The following DPP8 variants were observed in gnomAD, a reference collection of about 807,000 sequenced individuals.
The protein encoded by DPP8 is DPP VIII.
DPP8 carries 31 observed loss-of-function variants against 107.5 expected under a neutral mutation model. The observed-to-expected ratio is 0.29, with a 90% CI of 0.22 to 0.39. The LOEUF is 0.39. Ranked by LOEUF, DPP8 falls within the 10% of genes least tolerant of loss-of-function variation. DPP8 has a pLI of 1.00. For synonymous variants in DPP8, 381 were observed against 356.6 expected (o/e 1.07, Z -0.77); for missense variants, 842 against 1,076.1 (o/e 0.78, Z 3.04).
chr15:65,500,011 TCAGAC>T (rs2069035598), intron 4 of DPP8, among the ~76,000 whole-genome samples: 1 of 152,178 alleles, frequency 6.6e-6, no homozygotes, highest in Non-Finnish European at 1.5e-5. Flanking sequence ...TCCTCCCACC[TCAGAC>T]TCCTGAGTAT....
chr15:65,503,778 A>G (rs927002166), intron 3 of DPP8, among the ~76,000 whole-genome samples: 5 of 151,928 alleles, frequency 3.3e-5, no homozygotes, highest in African/African-American at 1.2e-4. Context: ...ACCTGCCATC[A>G]TGCCTGGCTT....
intron 11 of DPP8, among the ~76,000 whole-genome samples, chr15:65,477,723 G>C (rs1278213087): frequency 6.6e-6 from 1 of 151,766 alleles, no homozygotes; most frequent in Non-Finnish European, 1.5e-5. Context: ...TAGTAGAGAG[G>C]GGGTTTCACT....
chr15:65,498,097 C>T, intron 4 of DPP8, 65 bp from the exon 5 acceptor site: 2 of 1,195,354 alleles, frequency 1.7e-6, no homozygotes, highest in Non-Finnish European at 2.3e-6. Flanking sequence ...CAGCACCCTT[C>T]CTATAAGATG....
At chr15:65,513,156 G>A (rs1009792360) in intron 1 of DPP8, among the ~76,000 whole-genome samples, 2 of 152,124 alleles carry the variant, frequency 1.3e-5, no homozygotes, top group African/African-American at 2.4e-5. Flanking sequence ...ACTGGCTGAT[G>A]CATTTCTGAG....
intron 3 of DPP8, chr15:65,502,842 AAAAAG>A (rs931317726): frequency 4.4e-4 from 66 of 151,624 alleles, no homozygotes; most frequent in African/African-American, 1.5e-3. Context: ...ATTAAAATAA[AAAAAG>A]AAAACAAAAA....
In DPP8 at chr15:65,500,472, T is replaced by A. The variant is rs1803999907; in HGVS notation, c.546+134A>T. On this transcript the variant is annotated intron_variant, in intron 4 of 19. Transcript: ENST00000300141. The stretch of plus-strand genomic sequence containing the variant: ...GGAAACCAATCTCCATGTTTCTTGT[T>A]TTCATTGCTATTAAATTTCTTTGTT... The A allele has an allele frequency of 4.3e-6, 3 of 692,900 alleles. No individual in the cohort carries two copies. The Admixed American group carries it at 7.5e-5, about 17-fold the overall frequency. The allele number at this position is 692,900 out of a possible 1,614,324, so 42.9% of individuals were successfully genotyped here.
chr15:65,484,655 CAAAAA>C lies in DPP8; in HGVS notation c.1017+439_1017+443del, dbSNP rs1161936925. Among the ~76,000 whole-genome samples, 18 of 98,330 alleles carry C rather than the reference CAAAAA, an allele frequency of 1.8e-4. No individual in the cohort carries two copies. In the East Asian group the frequency reaches 4.0e-3, roughly 22 times the overall value. The allele number at this position is 98,330 out of a possible 152,430, so 64.5% of individuals were successfully genotyped here. ...GCCTGTTAAACCTTGGCTCTTAACT[CAAAAA>C]AAAAAAAAAAAAAGTCTAGAAGAGC... On this transcript the variant is annotated intron_variant, in intron 8 of 19. Transcript: ENST00000300141.
intron 12 of DPP8, among the ~76,000 whole-genome samples, chr15:65,468,456 T>C (rs1398873189): frequency 6.6e-6 from 1 of 150,710 alleles, no homozygotes; most frequent in Non-Finnish European, 1.5e-5. Flanking sequence ...ATCATGCCAA[T>C]GCATTCCAGC....
intron 3 of DPP8, among the ~76,000 whole-genome samples, chr15:65,505,388 TG>T (rs2069837407): frequency 6.6e-6 from 1 of 150,994 alleles, no homozygotes; most frequent in East Asian, 2.0e-4. Flanking sequence ...CAGTAGGCTG[TG>T]GGGGGTTGTG....
intron 12 of DPP8, among the ~76,000 whole-genome samples, chr15:65,471,985 G>A (rs1000167906): frequency 4.6e-5 from 7 of 152,262 alleles, no homozygotes; most frequent in Non-Finnish European, 1.0e-4. Flanking sequence ...TCAACTATAT[G>A]TGTCACACAC....
At chr15:65,466,171 C>T (rs555468700) in intron 14 of DPP8, among the ~76,000 whole-genome samples, 37 of 152,240 alleles carry the variant, frequency 2.4e-4, no homozygotes, top group South Asian at 6.2e-4. Flanking sequence ...CAAGGTCTTG[C>T]TTTGTCACCC....
chr15:65,448,658 C>T (rs1447988630), intron 19 of DPP8, among the ~76,000 whole-genome samples: 5 of 94,646 alleles, frequency 5.3e-5, no homozygotes, highest in African/African-American at 9.3e-5. Flanking sequence ...GGTGACAGAG[C>T]GAAACTCCAT....
intron 4 of DPP8, among the ~76,000 whole-genome samples, chr15:65,498,608 A>G (rs1379134165): frequency 6.6e-6 from 1 of 152,204 alleles, no homozygotes; most frequent in Non-Finnish European, 1.5e-5. Flanking sequence ...AACCTGTTTA[A>G]GAGAGTAATT....
At chr15:65,505,466 AC>A (rs1314268031) in intron 3 of DPP8, among the ~76,000 whole-genome samples, 5 of 152,154 alleles carry the variant, frequency 3.3e-5, no homozygotes, top group African/African-American at 1.2e-4. Context: ...AAAATATTTC[AC>A]GTTATTCCAC....
chr15:65,460,151 A>G, intron 15 of DPP8, among the ~76,000 whole-genome samples: 1 of 152,050 alleles, frequency 6.6e-6, no homozygotes, highest in Non-Finnish European at 1.5e-5. Flanking sequence ...GTACCCATTA[A>G]TAACTTCCAG....
chr15:65,454,139 A>T (rs942412868), intron 17 of DPP8, 124 bp downstream of exon 17: 13 of 547,144 alleles, frequency 2.4e-5, no homozygotes, highest in African/African-American at 2.2e-4. Flanking sequence ...TTCGTCTCAA[A>T]AAAAAAAAAA....
In DPP8 at chr15:65,497,943, A is replaced by T. The variant is rs770850957; in HGVS notation, c.636T>A (p.Ile212=). The T allele has an allele frequency of 1.2e-6, 2 of 1,611,646 alleles. No homozygotes were observed. Among genetic ancestry groups the T allele is most frequent in the Non-Finnish European group, 1.7e-6 (2 of 1,178,348 alleles). Residue 212 remains isoleucine (I), a synonymous_variant, in exon 5 of 20, where the codon ATT becomes ATA. Coordinates refer to ENST00000300141, the MANE Select transcript of DPP8 (RefSeq NM_130434.5). ...PKLCPADPDW[I]AFIHSNDIWI... The stretch of plus-strand genomic sequence containing the variant: ...AAATATCGTTGCTATGTATAAAAGC[A>T]ATCCAGTCTGGATCAGCAGGGCATA...
intron 3 of DPP8, among the ~76,000 whole-genome samples, chr15:65,504,835 T>A (rs2069751853): frequency 1.3e-5 from 2 of 151,394 alleles, no homozygotes; most frequent in Non-Finnish European, 2.9e-5. Context: ...TTTAAAAGAT[T>A]AGCTGGCAAT....
At chr15:65,481,122 A>G (rs1469667677) in intron 9 of DPP8, among the ~76,000 whole-genome samples, 1 of 152,142 alleles carries the variant, frequency 6.6e-6, no homozygotes, top group Non-Finnish European at 1.5e-5. Context: ...ATCAATGTCA[A>G]CAAATGCCAG....
Sources: allele counts gnomAD v4.1 joint callset (sites outside exome capture counted in the v4.1 genomes callset), GRCh38; gene constraint gnomAD v4.1.1; transcripts MANE v1.5; gene names NCBI Gene and HGNC (gene_info 2026-07-23, HGNC 2026-07-21).